Variants in ANKRD6 observed in about 807,000 individuals in gnomAD.
The protein encoded by ANKRD6 is ankyrin repeat domain 6.
In ANKRD6, 56 loss-of-function variants were observed where a neutral mutation model predicts 82.3. That is an observed-to-expected ratio of 0.68 (90% CI 0.55 to 0.85). ANKRD6 has a LOEUF of 0.85. ANKRD6 is among the 40% of genes least tolerant of loss of function. The probability of loss-of-function intolerance (pLI) is 0.00; values close to 1 mark genes in which losing one functional copy is unlikely to be tolerated. For synonymous variants in ANKRD6, 347 were observed against 352.1 expected (o/e 0.99, Z 0.16); for missense variants, 852 against 907.6 (o/e 0.94, Z 0.79).
At chr6:89,560,003 T>C (rs2128048305) in intron 1 of ANKRD6, among the ~76,000 whole-genome samples, 1 of 152,274 alleles carries the variant, frequency 6.6e-6, no homozygotes, top group South Asian at 2.1e-4. Flanking sequence ...ATTCATTAAA[T>C]GGACATTAAA....
chr6:89,480,941 C>CAAAAAAAAAAAA (rs372393432), intron 1 of ANKRD6, among the ~76,000 whole-genome samples: 1 of 92,924 alleles, frequency 1.1e-5, no homozygotes, highest in Non-Finnish European at 2.0e-5. Flanking sequence ...GACCCTGTCT[C>CAAAAAAAAAAAA]AAAAAAAAAA....
chr6:89,468,125 A>G (rs1775052131), intron 1 of ANKRD6, among the ~76,000 whole-genome samples: 1 of 152,198 alleles, frequency 6.6e-6, no homozygotes, highest in African/African-American at 2.4e-5. Context: ...TGAGTCTTAC[A>G]GATGGCTTTT....
chr6:89,526,178 G>T (rs1782475179), intron 1 of ANKRD6, among the ~76,000 whole-genome samples: 1 of 152,202 alleles, frequency 6.6e-6, no homozygotes, highest in Non-Finnish European at 1.5e-5. Flanking sequence ...ATGAGCTGCT[G>T]GCTTGTTTGT....
chr6:89,508,963 G>C (rs1780201739), intron 1 of ANKRD6: 2 of 152,526 alleles, frequency 1.3e-5, no homozygotes, highest in Admixed American at 6.5e-5. Flanking sequence ...ATGCAGGTGA[G>C]GAGGGTGCTT....
intron 1 of ANKRD6, among the ~76,000 whole-genome samples, chr6:89,449,749 C>T (rs1418137323): frequency 6.6e-6 from 1 of 152,178 alleles, no homozygotes. Context: ...TCCCTTTACC[C>T]TCCCCTCTTC....
chr6:89,554,118 C>G (rs1786240530), intron 1 of ANKRD6, among the ~76,000 whole-genome samples: 1 of 152,206 alleles, frequency 6.6e-6, no homozygotes. Context: ...AGAAGGCATT[C>G]CTATTTCCTT....
At position 89,486,027 on chromosome 6, in the gene ANKRD6, C is replaced by T. The variant is rs114531567; in HGVS notation, c.-144+52652C>T. Among the ~76,000 whole-genome samples, 249 of 152,208 alleles carry T rather than the reference C, an allele frequency of 1.6e-3. 2 individuals carry two copies. Among genetic ancestry groups the T allele is most frequent in the African/African-American group, 5.8e-3 (239 of 41,510 alleles). On this transcript the variant is annotated intron_variant, in intron 1 of 15. Transcript: ENST00000339746. Reference sequence around the variant, plus strand: ...CTAAGAAAAATATCAGTAATAACTACATTTTGATACATATCTTGCCAGTCT... The same window carrying T: ...CTAAGAAAAATATCAGTAATAACTATATTTTGATACATATCTTGCCAGTCT...
intron 1 of ANKRD6, among the ~76,000 whole-genome samples, chr6:89,491,789 T>A (rs1425543178): frequency 6.6e-6 from 1 of 151,364 alleles, no homozygotes; most frequent in Non-Finnish European, 1.5e-5. Flanking sequence ...AAGTATAATT[T>A]AAAAAAATAA....
chr6:89,582,166 C>G (rs1792689036), intron 2 of ANKRD6, among the ~76,000 whole-genome samples: 1 of 152,086 alleles, frequency 6.6e-6, no homozygotes, highest in South Asian at 2.1e-4. Flanking sequence ...TAAGATGATA[C>G]AACTGTTTTG....
At chr6:89,521,359 G>A (rs1347403266) in intron 1 of ANKRD6, among the ~76,000 whole-genome samples, 1 of 152,178 alleles carries the variant, frequency 6.6e-6, no homozygotes, top group East Asian at 1.9e-4. Context: ...GTTCAGAGAT[G>A]AGTGAGAATT....
chr6:89,624,436 C>G, intron 12 of ANKRD6, 103 bp from the exon 13 acceptor site: 2 of 1,377,950 alleles, frequency 1.5e-6, no homozygotes, highest in Non-Finnish European at 2.0e-6. Context: ...TCTCTTCCAT[C>G]ATCTCTATCC....
Position 89,518,232 on chromosome 6 carries a change from G to A in ANKRD6, c.-143-48602G>A, listed in dbSNP as rs569001928. 6.6e-5 allele frequency among the ~76,000 whole-genome samples: 10 copies of A among 152,006 alleles called. 1 individual carries two copies. In the East Asian group the frequency reaches 1.6e-3, roughly 24 times the overall value. On this transcript the variant is annotated intron_variant, in intron 1 of 15. Coordinates refer to ENST00000339746, the MANE Select transcript of ANKRD6 (RefSeq NM_001242809.2). Reference sequence around the variant, plus strand: ...AGCCTGACCAACATGGAGAAACCCCGCCTCTACTAAAAATACAAAATTAGC... The same window carrying A: ...AGCCTGACCAACATGGAGAAACCCCACCTCTACTAAAAATACAAAATTAGC...
In ANKRD6 at chr6:89,583,118, G is replaced by A. The variant is rs1015160657; in HGVS notation, c.121-12798G>A. ...GGCCTGGGCTTGGGGATTTTTCAGA[G>A]CAGCAAGGCAGAGAACTACTCACTG... On this transcript the variant is annotated intron_variant, in intron 2 of 15. Coordinates refer to ENST00000339746, the MANE Select transcript of ANKRD6 (RefSeq NM_001242809.2). 2.0e-5 allele frequency among the ~76,000 whole-genome samples: 3 copies of A among 152,202 alleles called. No homozygotes were observed. The East Asian group carries it at 5.8e-4, about 29-fold the overall frequency.
At chr6:89,446,198 CAAAATTAACT>C (rs1236470741) in intron 1 of ANKRD6, among the ~76,000 whole-genome samples, 24 of 151,986 alleles carry the variant, frequency 1.6e-4, no homozygotes, top group Admixed American at 5.9e-4. Context: ...ACTAAAAATA[CAAAATTAACT>C]GGGCATGCTG....
At chr6:89,471,939 CAAAAAAAAAAAA>C (rs749607605) in intron 1 of ANKRD6, among the ~76,000 whole-genome samples, 6 of 52,604 alleles carry the variant, frequency 1.1e-4, no homozygotes, top group African/African-American at 4.6e-4. Flanking sequence ...AACTCCATCT[CAAAAAAAAAAAA>C]AAAAAAAAAA....
chr6:89,626,958 A>C (rs60303402), intron 13 of ANKRD6, among the ~76,000 whole-genome samples: 1,762 of 152,368 alleles, frequency 0.012, 28 homozygotes, highest in African/African-American at 0.04. Context: ...GGCAACCACT[A>C]ACATTTTTTA....
At chr6:89,523,505 G>A (rs1421222471) in intron 1 of ANKRD6, among the ~76,000 whole-genome samples, 1 of 152,210 alleles carries the variant, frequency 6.6e-6, no homozygotes, top group Non-Finnish European at 1.5e-5. Context: ...GAAGAGGGCA[G>A]TTCTTTATGT....
At chr6:89,453,657 G>A (rs1242202781) in intron 1 of ANKRD6, among the ~76,000 whole-genome samples, 3 of 152,036 alleles carry the variant, frequency 2.0e-5, no homozygotes, top group Admixed American at 6.6e-5. Flanking sequence ...TTGGCTCACT[G>A]CAACCTTTGC....
chr6:89,575,491 T>G (rs1790911976), intron 2 of ANKRD6, among the ~76,000 whole-genome samples: 1 of 152,296 alleles, frequency 6.6e-6, no homozygotes, highest in Non-Finnish European at 1.5e-5. Context: ...TTGTGAACTT[T>G]CTATGGGCTG....
Sources: gnomAD v4.1 joint callset for allele counts (sites outside exome capture counted in the v4.1 genomes callset) on GRCh38, gnomAD v4.1.1 for gene constraint, MANE v1.5 for transcripts, NCBI Gene and HGNC (gene_info 2026-07-23, HGNC 2026-07-21) for gene names.